Variants in ANKFN1 observed in about 807,000 individuals in gnomAD.
The protein encoded by ANKFN1 is ankyrin repeat and fibronectin type-III domain-containing protein 1.
Under a neutral mutation model 108.7 loss-of-function variants are expected in ANKFN1, and 74 were observed. The observed-to-expected ratio is 0.68, with a 90% CI of 0.56 to 0.83. The LOEUF is 0.83. Among genes scored for constraint, ANKFN1 ranks in the 40% least tolerant of loss-of-function variants. ANKFN1 has a pLI of 0.00. For missense variants in ANKFN1, 1,505 were observed against 1,382.3 expected, an observed-to-expected ratio of 1.09 and a Z score of -1.41; for synonymous variants, 547 against 516.2, an observed-to-expected ratio of 1.06 and a Z score of -0.81.
intron 18 of ANKFN1, among the ~76,000 whole-genome samples, chr17:56,482,858 TTCTC>T (rs137895172): frequency 7.9e-5 from 12 of 151,342 alleles, no homozygotes; most frequent in Non-Finnish European, 1.3e-4. Context: ...GCACTGCCCC[TTCTC>T]TCTCTCTCTC....
At chr17:56,242,145 A>C (rs1032400126) in intron 3 of ANKFN1, among the ~76,000 whole-genome samples, 30 of 152,252 alleles carry the variant, frequency 2.0e-4, no homozygotes, top group Middle Eastern at 3.4e-3. Flanking sequence ...AGCTGATAGG[A>C]CAAGATTCTG....
chr17:56,304,276 C>T (rs2044754899), intron 3 of ANKFN1, among the ~76,000 whole-genome samples: 1 of 152,018 alleles, frequency 6.6e-6, no homozygotes, highest in Non-Finnish European at 1.5e-5. Context: ...TTAATGTTGG[C>T]TTTTTTCACT....
chr17:56,148,010 C>T (rs867117422), intron 4 of ANKFN1, among the ~76,000 whole-genome samples: 1 of 152,180 alleles, frequency 6.6e-6, no homozygotes, highest in South Asian at 2.1e-4. Flanking sequence ...ACTGGTGTTA[C>T]TCCTGTCTTA....
intron 4 of ANKFN1, among the ~76,000 whole-genome samples, chr17:56,076,818 A>C (rs1304483151): frequency 6.6e-6 from 1 of 152,192 alleles, no homozygotes; most frequent in African/African-American, 2.4e-5. Flanking sequence ...GACAAGAAAA[A>C]AAACTAAAAT....
chr17:56,185,630 T>A (rs1472061805), intron 1 of ANKFN1, among the ~76,000 whole-genome samples: 1 of 152,140 alleles, frequency 6.6e-6, no homozygotes, highest in Non-Finnish European at 1.5e-5. Flanking sequence ...CAAAGCAAAC[T>A]GCTCCCTCCC....
At chr17:56,183,555 C>T (rs139393114) in intron 1 of ANKFN1, among the ~76,000 whole-genome samples, 19 of 152,174 alleles carry the variant, frequency 1.2e-4, no homozygotes, top group African/African-American at 4.6e-4. Flanking sequence ...AGTCTGGGAC[C>T]TCCCCTTTCT....
At chr17:56,078,760 C>T (rs1235662277) in intron 4 of ANKFN1, among the ~76,000 whole-genome samples, 1 of 152,206 alleles carries the variant, frequency 6.6e-6, no homozygotes, top group Non-Finnish European at 1.5e-5. Flanking sequence ...ATATTTACAT[C>T]ACTCAGCAGT....
chr17:56,249,718 T>C (rs1015383464), intron 3 of ANKFN1, among the ~76,000 whole-genome samples: 1 of 152,148 alleles, frequency 6.6e-6, no homozygotes, highest in Non-Finnish European at 1.5e-5. Context: ...CATGGACCCA[T>C]AGAGGGCCCT....
chr17:56,277,058 A>G (rs907364012), intron 3 of ANKFN1, among the ~76,000 whole-genome samples: 2 of 152,188 alleles, frequency 1.3e-5, no homozygotes. Flanking sequence ...AACTCCTAAA[A>G]TCTCAGCTAA....
chr17:56,121,611 A>T (rs1336581766), intron 4 of ANKFN1, among the ~76,000 whole-genome samples: 1 of 151,798 alleles, frequency 6.6e-6, no homozygotes, highest in Non-Finnish European at 1.5e-5. Flanking sequence ...GTACAGAGGG[A>T]GAGTGCTAGG....
chr17:56,446,368 A>G (rs923997250), intron 10 of ANKFN1, among the ~76,000 whole-genome samples: 1 of 152,206 alleles, frequency 6.6e-6, no homozygotes, highest in African/African-American at 2.4e-5. Context: ...CTAAGAGAAT[A>G]AACTCCTAAT....
chr17:56,320,932 A>C (rs1336563316), intron 3 of ANKFN1, among the ~76,000 whole-genome samples: 1 of 152,152 alleles, frequency 6.6e-6, no homozygotes, highest in Non-Finnish European at 1.5e-5. Flanking sequence ...CAAGACTTAG[A>C]GAAAAATTCT....
chr17:56,421,491 A>G (rs1296482437), intron 8 of ANKFN1, among the ~76,000 whole-genome samples: 1 of 152,228 alleles, frequency 6.6e-6, no homozygotes, highest in Non-Finnish European at 1.5e-5. Context: ...ACTAGGCTCT[A>G]AACGCTGATA....
chr17:56,080,264 A>T (rs1905230053), intron 4 of ANKFN1, among the ~76,000 whole-genome samples: 1 of 152,214 alleles, frequency 6.6e-6, no homozygotes. Flanking sequence ...GTCTTTTGAT[A>T]ATCAGTCAGG....
chr17:56,291,871 C>T (rs1379046053), intron 3 of ANKFN1, among the ~76,000 whole-genome samples: 1 of 152,098 alleles, frequency 6.6e-6, no homozygotes, highest in East Asian at 1.9e-4. Flanking sequence ...GTCAAATGAC[C>T]CTAGTTTAAC....
chr17:56,354,009 G>A lies in ANKFN1; in HGVS notation c.564G>A (p.Arg188=), dbSNP rs1409135948. 6.2e-7 allele frequency: 1 copy of A among 1,613,804 alleles called. No individual in the cohort carries two copies. Among genetic ancestry groups the A allele is most frequent in the Non-Finnish European group, 8.5e-7 (1 of 1,179,958 alleles). ...AIMTNNVPIA[R]ILLRTGARES... ...TGACCAACAATGTGCCCATTGCAAG[G>A]ATTCTTCTGAGGACAGGGGCCCGAG... The change falls in exon 6 of 21, where the codon AGG becomes AGA. Residue 188 remains arginine (R), a synonymous_variant. Transcript: ENST00000682825.
intron 4 of ANKFN1, among the ~76,000 whole-genome samples, chr17:56,349,066 T>C (rs1386210456): frequency 6.6e-6 from 1 of 152,190 alleles, no homozygotes; most frequent in Non-Finnish European, 1.5e-5. Context: ...AATGAGATCA[T>C]GTTCTTTGTA....
At chr17:56,369,681 A>G (rs940264407) in intron 6 of ANKFN1, among the ~76,000 whole-genome samples, 1 of 152,226 alleles carries the variant, frequency 6.6e-6, no homozygotes, top group Non-Finnish European at 1.5e-5. Flanking sequence ...TGATCACTTT[A>G]TAAGTCAGCT....
chr17:56,423,483 T>C (rs2048471330), intron 8 of ANKFN1, among the ~76,000 whole-genome samples: 1 of 152,190 alleles, frequency 6.6e-6, no homozygotes, highest in South Asian at 2.1e-4. Flanking sequence ...GATCACCTCA[T>C]TCCCTTGCTC....
Sources: gnomAD v4.1 joint callset for allele counts (sites outside exome capture counted in the v4.1 genomes callset) on GRCh38, gnomAD v4.1.1 for gene constraint, MANE v1.5 for transcripts, NCBI Gene and HGNC (gene_info 2026-07-23, HGNC 2026-07-21) for gene names.